URB1: variants seen among roughly 807,000 people sequenced by gnomAD.
The protein encoded by URB1 is URB1 ribosome biogenesis factor.
In URB1, 197 loss-of-function variants were observed where a neutral mutation model predicts 242.3. The ratio of observed to expected loss-of-function variants is 0.81; its 90% confidence interval spans 0.72 to 0.91. The LOEUF is 0.91. URB1 is among the 40% of genes least tolerant of loss of function. The pLI is 0.00. For synonymous variants in URB1, 1,153 were observed against 1,201.8 expected (o/e 0.96, Z 0.84); for missense variants, 2,721 against 2,860.5 (o/e 0.95, Z 1.11).
At chr21:32,376,463 A>G (rs1398144388) in intron 5 of URB1, among the ~76,000 whole-genome samples, 1 of 152,230 alleles carries the variant, frequency 6.6e-6, no homozygotes, top group East Asian at 1.9e-4. Context: ...AACCAAAAGA[A>G]TAAGTCAAAG....
chr21:32,361,878 C>T lies in URB1; in HGVS notation c.1639+14G>A, dbSNP rs145232545. 86 of 1,550,136 alleles carry T rather than the reference C, an allele frequency of 5.5e-5. 1 individual carries two copies. In the East Asian group the frequency reaches 5.9e-4, roughly 11 times the overall value. On this transcript the variant is annotated intron_variant, in intron 12 of 38. Coordinates refer to ENST00000382751, the MANE Select transcript of URB1 (RefSeq NM_014825.3). The stretch of plus-strand genomic sequence containing the variant: ...GCAAAAGGCAGAGGGTCCCCCTCAC[C>T]CCTGAGACCTTACCGCACTGGTGAG...
chr21:32,376,143 A>G (rs565112313), intron 5 of URB1, among the ~76,000 whole-genome samples: 1 of 152,346 alleles, frequency 6.6e-6, no homozygotes, highest in African/African-American at 2.4e-5. Context: ...ACAAACTAAT[A>G]CAATTTCTCT....
chr21:32,342,460 C>T (rs1280912976), intron 24 of URB1, among the ~76,000 whole-genome samples: 5 of 152,034 alleles, frequency 3.3e-5, no homozygotes, highest in African/African-American at 4.8e-5. Flanking sequence ...ATCTCACACT[C>T]GTGACTTTTT....
Position 32,311,827 on chromosome 21 carries a change from C to A in URB1, c.*3091G>T. The A allele has an allele frequency of 6.2e-7, 1 of 1,613,910 alleles. No homozygotes were observed. Among genetic ancestry groups the A allele is most frequent in the African/African-American group, 1.3e-5 (1 of 75,068 alleles). On this transcript the variant is annotated 3_prime_UTR_variant, in exon 39 of 39. Transcript: ENST00000382751. Reference sequence around the variant, plus strand: ...AGCTCAGTGGAGCCAGGGAGCAGAACTGGCCCTGACCAGCCGCTACGACAG... The same window carrying A: ...AGCTCAGTGGAGCCAGGGAGCAGAAATGGCCCTGACCAGCCGCTACGACAG...
intron 1 of URB1, among the ~76,000 whole-genome samples, chr21:32,386,918 C>A (rs1404032532): frequency 6.6e-6 from 1 of 152,190 alleles, no homozygotes; most frequent in African/African-American, 2.4e-5. Flanking sequence ...CCTCCACGAA[C>A]TGGATGATTC....
chr21:32,378,671 C>T, intron 4 of URB1, 130 bp from the exon 5 acceptor site: 1 of 737,056 alleles, frequency 1.4e-6, no homozygotes, highest in Non-Finnish European at 2.3e-6. Context: ...CCCCAGTCAC[C>T]AGGGGATGCA....
At chr21:32,368,355 A>T in intron 9 of URB1, 48 bp downstream of exon 9, 1 of 1,477,870 alleles carries the variant, frequency 6.8e-7, no homozygotes, top group Non-Finnish European at 9.0e-7. Flanking sequence ...GGCATGAGCC[A>T]CCACGCCCAG....
At chr21:32,327,670 A>G (rs1185672197) in intron 30 of URB1, among the ~76,000 whole-genome samples, 1 of 152,220 alleles carries the variant, frequency 6.6e-6, no homozygotes, top group Non-Finnish European at 1.5e-5. Flanking sequence ...AAACAACACT[A>G]TATTGTAGGG....
intron 34 of URB1, 28 bp downstream of exon 34, chr21:32,321,773 C>T: frequency 6.5e-7 from 1 of 1,549,134 alleles, no homozygotes; most frequent in Non-Finnish European, 8.7e-7. Context: ...ACCTCTCGCT[C>T]TCAAATAAGC....
intron 30 of URB1, among the ~76,000 whole-genome samples, chr21:32,330,489 G>GGA (rs1568811710): frequency 3.7e-5 from 5 of 136,946 alleles, no homozygotes; most frequent in Admixed American, 7.1e-5. Context: ...CAGACCAAGG[G>GGA]AAAAAAAAAA....
At chr21:32,379,683 G>A (rs1346491680) in intron 4 of URB1, among the ~76,000 whole-genome samples, 1 of 152,124 alleles carries the variant, frequency 6.6e-6, no homozygotes, top group African/African-American at 2.4e-5. Context: ...TTTTACAGAT[G>A]AGAAAACTGA....
rs1461504913 is a variant in URB1 at position 32,316,977 on chromosome 21, C to G, written c.6123G>C (p.Glu2041Asp). Reference protein sequence around the residue: ...GRKRRPGEAEEMADPELMAST... With the variant: ...GRKRRPGEAEDMADPELMAST... ...ATGCCATCAGCTCAGGGTCAGCCAT[C>G]TCCTCTGCCTCCCCAGGCCTCCTCT... Residue 2041 changes from glutamate to aspartate, a missense_variant, in exon 38 of 39, where the codon GAG becomes GAC. By Grantham distance (45) the Glu-to-Asp change is conservative. Coordinates refer to ENST00000382751, the MANE Select transcript of URB1 (RefSeq NM_014825.3). 6.4e-7 allele frequency: 1 copy of G among 1,551,720 alleles called. No individual in the cohort carries two copies. The highest frequency in any genetic ancestry group is 2.0e-5 in the Admixed American group (1 of 51,010).
At chr21:32,341,370 T>C (rs2033027076) in intron 25 of URB1, 96 bp downstream of exon 25, 1 of 1,246,936 alleles carries the variant, frequency 8.0e-7, no homozygotes, top group South Asian at 1.4e-5. Flanking sequence ...CTCCACCACG[T>C]GGATTATGCT....
chr21:32,380,689 T>A (rs1289911629), intron 4 of URB1, among the ~76,000 whole-genome samples: 1 of 126,654 alleles, frequency 7.9e-6, no homozygotes, highest in Non-Finnish European at 1.8e-5. Context: ...ATTCAAGCAG[T>A]TAATTTTCTT....
At position 32,311,762 on chromosome 21, in the gene URB1, G is replaced by T. The variant is rs779122471; in HGVS notation, c.*3156C>A. 4 of 1,614,012 alleles carry T rather than the reference G, an allele frequency of 2.5e-6. No homozygotes were observed. In the South Asian group the frequency reaches 3.3e-5, roughly 13 times the overall value. On this transcript the variant is annotated 3_prime_UTR_variant, in exon 39 of 39. Coordinates refer to ENST00000382751, the MANE Select transcript of URB1 (RefSeq NM_014825.3). ...ACCTCTGCATCCAGAAGTGCCTGCC[G>T]TGCCACAGGGAACCCCTGGCAACCT...
chr21:32,381,220 G>T (rs1433248626), intron 4 of URB1, among the ~76,000 whole-genome samples: 1 of 152,144 alleles, frequency 6.6e-6, no homozygotes, highest in Non-Finnish European at 1.5e-5. Context: ...ACCTCACAGG[G>T]TTATTATTCC....
chr21:32,321,865 C>T lies in URB1; in HGVS notation c.5420G>A (p.Arg1807Gln), dbSNP rs773736142. The T allele has an allele frequency of 2.9e-5, 45 of 1,551,608 alleles. No individual in the cohort carries two copies. Among genetic ancestry groups the T allele is most frequent in the African/African-American group, 1.1e-4 (8 of 73,054 alleles). ...RDKQCYELCA[R>Q]RGIFHIILSF... is the part of the protein sequence containing the mutation. ...CAGGATGATGTGGAAGATGCCACGC[C>T]GGGCACACAGTTCGTAGCACTGCTT... The change falls in exon 34 of 39, where the codon CGG becomes CAG. Residue 1807 changes from arginine to glutamine, a missense_variant. Coordinates refer to ENST00000382751, the MANE Select transcript of URB1 (RefSeq NM_014825.3).
intron 1 of URB1, among the ~76,000 whole-genome samples, chr21:32,388,697 A>G (rs865943573): frequency 6.6e-6 from 1 of 152,264 alleles, no homozygotes; most frequent in South Asian, 2.1e-4. Context: ...AAGAAAACAC[A>G]GAATGCAAGT....
chr21:32,350,669 C>T lies in URB1; in HGVS notation c.2832+35G>A, dbSNP rs771321167. ...AAGGCTTAGCTCTCTGGTGGCAGAGCTCTGAAGCCTGTGGAGGATGGGGGC... is the reference window on the plus strand; with the variant it reads ...AAGGCTTAGCTCTCTGGTGGCAGAGTTCTGAAGCCTGTGGAGGATGGGGGC... On this transcript the variant is annotated intron_variant, in intron 20 of 38. Transcript: ENST00000382751. 7.3e-5 allele frequency: 113 copies of T among 1,543,954 alleles called. No individual in the cohort carries two copies. The African/African-American group carries it at 1.3e-3, about 18-fold the overall frequency.
Sources: gnomAD v4.1 joint callset for allele counts (sites outside exome capture counted in the v4.1 genomes callset) on GRCh38, gnomAD v4.1.1 for gene constraint, MANE v1.5 for transcripts, NCBI Gene and HGNC (gene_info 2026-07-23, HGNC 2026-07-21) for gene names.